PNRC1: variants seen among roughly 807,000 people sequenced by gnomAD.
PNRC1 encodes the protein proline-rich nuclear receptor coactivator 1.
A neutral mutation model predicts 20.2 loss-of-function variants in PNRC1; 6 were observed. That is an observed-to-expected ratio of 0.30 (90% CI 0.16 to 0.59). PNRC1 has a LOEUF of 0.59. Among genes scored for constraint, PNRC1 ranks in the 20% least tolerant of loss-of-function variants. The probability of loss-of-function intolerance (pLI) is 0.89; values close to 1 mark genes in which losing one functional copy is unlikely to be tolerated. For synonymous variants in PNRC1, 202 were observed against 186.9 expected, an observed-to-expected ratio of 1.08 and a Z score of -0.66; for missense variants, 488 against 430.2, an observed-to-expected ratio of 1.13 and a Z score of -1.19.
In PNRC1 at chr6:89,080,779, G is replaced by C. The variant is rs1374864095; in HGVS notation, c.-116G>C. On this transcript the variant is annotated 5_prime_UTR_variant, in exon 1 of 2. An upstream start codon of the reference 5' UTR is lost. Transcript: ENST00000336032. Reference sequence around the variant, plus strand: ...GCTGCGCCGCCACCGCCCGAGTCATGTTCCGCGATCTTCTCAGGCTCTCCT... The same window carrying C: ...GCTGCGCCGCCACCGCCCGAGTCATCTTCCGCGATCTTCTCAGGCTCTCCT... The C allele has an allele frequency of 2.0e-6, 2 of 990,550 alleles. No homozygotes were observed. The highest frequency in any genetic ancestry group is 2.7e-5 in the South Asian group (2 of 73,312). The allele number at this position is 990,550 out of a possible 1,614,324, so 61.4% of individuals were successfully genotyped here.
In PNRC1 at chr6:89,080,965, C is replaced by T. The variant is rs1279886870; in HGVS notation, c.71C>T (p.Ser24Phe). The T allele has an allele frequency of 2.5e-6, 4 of 1,613,278 alleles. No homozygotes were observed. The East Asian group carries it at 6.7e-5, about 27-fold the overall frequency. The change falls in exon 1 of 2, where the codon TCC becomes TTC. Residue 24 changes from serine (S) to phenylalanine (F), a missense_variant. Transcript: ENST00000336032. Reference sequence around the variant, plus strand: ...GGCCGCCTTGCGCCGCTTGGCTTTTCCTCCCGAGGTTACTTTGGGGCCCTC... The same window carrying T: ...GGCCGCCTTGCGCCGCTTGGCTTTTTCTCCCGAGGTTACTTTGGGGCCCTC... ...LGGRLAPLGF[S>F]SRGYFGALPM...
Position 89,083,737 on chromosome 6 carries a change from G to T in PNRC1, c.541-16G>T. 1 of 1,549,406 alleles carries T rather than the reference G, an allele frequency of 6.5e-7. No homozygotes were observed. The highest frequency in any genetic ancestry group is 8.7e-7 in the Non-Finnish European group (1 of 1,146,166). On this transcript the variant is annotated splice_polypyrimidine_tract_variant and intron_variant, in intron 1 of 1. Coordinates refer to ENST00000336032, the MANE Select transcript of PNRC1 (RefSeq NM_006813.3). ...ATCTAGAAACTATATTTACTTTTGTGTTCTTGTCTTTGTAGGTTTTAAAAT... is the reference window on the plus strand; with the variant it reads ...ATCTAGAAACTATATTTACTTTTGTTTTCTTGTCTTTGTAGGTTTTAAAAT...
At position 89,080,941 on chromosome 6, in the gene PNRC1, G is replaced by A; in HGVS notation, c.47G>A (p.Gly16Asp). Residue 16 changes from glycine (G) to aspartate (D), a missense_variant, in exon 1 of 2, where the codon GGC becomes GAC. Physicochemically the swap from Gly to Asp is moderately conservative, Grantham distance 94 (BLOSUM62 -1). Coordinates refer to ENST00000336032, the MANE Select transcript of PNRC1 (RefSeq NM_006813.3). ...VPQREPLVLGGRLAPLGFSSR... is the reference protein window; with the variant it reads ...VPQREPLVLGDRLAPLGFSSR... ...CAGCGGGAGCCGCTCGTCCTGGGTG[G>A]CCGCCTTGCGCCGCTTGGCTTTTCC... 1 of 1,612,984 alleles carries A rather than the reference G, an allele frequency of 6.2e-7. No homozygotes were observed.
At chr6:89,081,725 A>G (rs1453200284) in intron 1 of PNRC1, 3 of 201,898 alleles carry the variant, frequency 1.5e-5, no homozygotes, top group African/African-American at 2.6e-5. Context: ...GCGGCGTTCC[A>G]GGGGGTTTCG....
intron 1 of PNRC1, among the ~76,000 whole-genome samples, chr6:89,083,123 G>T (rs1386131672): frequency 1.3e-5 from 2 of 151,924 alleles, no homozygotes; most frequent in Non-Finnish European, 2.9e-5. Context: ...TCCCGCCTCA[G>T]CCAGCCTCCC....
At position 89,081,304 on chromosome 6, in the gene PNRC1, C is replaced by A; in HGVS notation, c.410C>A (p.Ala137Glu). 6.7e-7 allele frequency: 1 copy of A among 1,489,126 alleles called. No homozygotes were observed. The highest frequency in any genetic ancestry group is 1.3e-5 in the South Asian group (1 of 78,322). 92.2% of individuals were successfully genotyped at this position (1,489,126 alleles called of 1,614,324 possible). A position where few individuals can be genotyped will look rare whatever the true frequency, so the allele number is the denominator to read the frequency against. ...AGCCCCGCGACCGGCCCGAGCGGAG[C>A]GCAGGAGGTCCCGGGCCCGGCCGCC... ...GRSPATGPSG[A>E]QEVPGPAAAL... The change falls in exon 1 of 2, where the codon GCG (alanine) becomes GAG (glutamate). Residue 137 changes from alanine to glutamate, a missense_variant. Transcript: ENST00000336032.
Position 89,081,042 on chromosome 6 carries a change from G to T in PNRC1, c.148G>T (p.Ala50Ser), listed in dbSNP as rs754617058. 3 of 1,611,302 alleles carry T rather than the reference G, an allele frequency of 1.9e-6. No homozygotes were observed. The Admixed American group carries it at 5.0e-5, about 27-fold the overall frequency. Residue 50 changes from alanine to serine, a missense_variant, in exon 1 of 2, where the codon GCA (alanine) becomes TCA (serine). Physicochemically the swap from Ala to Ser is moderately conservative, Grantham distance 99. Transcript: ENST00000336032. ...TTTACCCCGGATCCCGGACCCCCGG[G>T]CACTGCCCCCGACCCTCTTCCTCCC... ...PPLPRIPDPRALPPTLFLPHF... is the reference protein window; with the variant it reads ...PPLPRIPDPRSLPPTLFLPHF...
chr6:89,081,505 C>A, intron 1 of PNRC1, 71 bp downstream of exon 1: 2 of 553,554 alleles, frequency 3.6e-6, no homozygotes, highest in Non-Finnish European at 4.9e-6. Context: ...GGGCTGCAGA[C>A]CCTGCACCCG....
At position 89,084,116 on chromosome 6, in the gene PNRC1, G is replaced by A. The variant is rs1768062255; in HGVS notation, c.904G>A (p.Gly302Arg). The A allele has an allele frequency of 6.2e-7, 1 of 1,612,958 alleles. No homozygotes were observed. The highest frequency in any genetic ancestry group is 1.7e-5 in the Admixed American group (1 of 59,790). The change falls in exon 2 of 2, where the codon GGA becomes AGA. Residue 302 changes from glycine to arginine, a missense_variant. Gly to Arg is a moderately radical substitution (Grantham distance 125). Transcript: ENST00000336032. Reference protein sequence around the residue: ...VLPKPPSHWMGSTVENSNQNR... With the variant: ...VLPKPPSHWMRSTVENSNQNR... ...TCCAAAGCCTCCTAGTCACTGGATG[G>A]GAAGCACTGTTGAAAATTCCAACCA...
chr6:89,081,695 A>T (rs992332728), intron 1 of PNRC1: 2 of 281,028 alleles, frequency 7.1e-6, no homozygotes, highest in African/African-American at 4.5e-5. Flanking sequence ...CCCCAGCAAC[A>T]GCCCCGATTT....
At position 89,084,481 on chromosome 6, in the gene PNRC1, G is replaced by T. The variant is rs1768073477; in HGVS notation, c.*285G>T. 2 of 218,828 alleles carry T rather than the reference G, an allele frequency of 9.1e-6. No individual in the cohort carries two copies. The highest frequency in any genetic ancestry group is 1.8e-5 in the Non-Finnish European group (2 of 108,242). 13.6% of individuals were successfully genotyped at this position (218,828 alleles called of 1,614,324 possible). A position where few individuals can be genotyped will look rare whatever the true frequency, so the allele number is the denominator to read the frequency against. ...TGCAGGTGTTTTGTATATATACAAT[G>T]GATAAATTTTAAGTGTGTGCTAAGG... On this transcript the variant is annotated 3_prime_UTR_variant, in exon 2 of 2. Transcript: ENST00000336032.
chr6:89,083,252 C>G (rs911994158), intron 1 of PNRC1, among the ~76,000 whole-genome samples: 2 of 152,226 alleles, frequency 1.3e-5, no homozygotes, highest in Non-Finnish European at 2.9e-5. Context: ...GCCTTGACCT[C>G]CCAAAGTGCT....
intron 1 of PNRC1, among the ~76,000 whole-genome samples, chr6:89,083,133 C>T (rs930934552): frequency 9.2e-5 from 14 of 152,092 alleles, no homozygotes; most frequent in African/African-American, 3.4e-4. Context: ...GCCAGCCTCC[C>T]GAGGCGCGTG....
Position 89,080,773 on chromosome 6 carries a change from A to C in PNRC1, c.-122A>C, listed in dbSNP as rs1767959144. 2 of 916,306 alleles carry C rather than the reference A, an allele frequency of 2.2e-6. No homozygotes were observed. Among genetic ancestry groups the C allele is most frequent in the Non-Finnish European group, 3.4e-6 (2 of 589,334 alleles). 56.8% of individuals were successfully genotyped at this position (916,306 alleles called of 1,614,324 possible). On this transcript the variant is annotated 5_prime_UTR_variant, in exon 1 of 2. Coordinates refer to ENST00000336032, the MANE Select transcript of PNRC1 (RefSeq NM_006813.3). ...TTTGTTGCTGCGCCGCCACCGCCCGAGTCATGTTCCGCGATCTTCTCAGGC... is the reference window on the plus strand; with the variant it reads ...TTTGTTGCTGCGCCGCCACCGCCCGCGTCATGTTCCGCGATCTTCTCAGGC...
intron 1 of PNRC1, chr6:89,082,045 GGGGCTCT>G (rs1482081832): frequency 6.6e-6 from 1 of 152,340 alleles, no homozygotes; most frequent in Non-Finnish European, 1.5e-5. Flanking sequence ...CAGTCCAGTT[GGGGCTCT>G]GCCCGCCTCG....
chr6:89,081,787 C>T, intron 1 of PNRC1: 1 of 164,746 alleles, frequency 6.1e-6, no homozygotes, highest in Non-Finnish European at 1.3e-5. Flanking sequence ...CGCGGGAGGG[C>T]TGACGTCAGC....
rs145171863 is a variant in PNRC1, at chr6:89,083,550, C to G, written c.541-203C>G. 4.6e-3 allele frequency among the ~76,000 whole-genome samples: 706 copies of G among 152,134 alleles called. 1 individual carries two copies. Among genetic ancestry groups the G allele is most frequent in the Non-Finnish European group, 3.8e-3 (257 of 68,020 alleles). On this transcript the variant is annotated intron_variant, in intron 1 of 1. Transcript: ENST00000336032. ...AAATTCACTTGTAAGTGAGAACTTG[C>G]GATATTTGGTTTTCTGTTTCTGCAT...
At position 89,084,216 on chromosome 6, in the gene PNRC1, G is replaced by T. The variant is rs1023509610; in HGVS notation, c.*20G>T. 6.6e-7 allele frequency: 1 copy of T among 1,511,718 alleles called. No individual in the cohort carries two copies. The highest frequency in any genetic ancestry group is 8.9e-7 in the Non-Finnish European group (1 of 1,118,928). The allele number at this position is 1,511,718 out of a possible 1,614,324, so 93.6% of individuals were successfully genotyped here. A position where few individuals can be genotyped will look rare whatever the true frequency, so the allele number is the denominator to read the frequency against. On this transcript the variant is annotated 3_prime_UTR_variant, in exon 2 of 2. Transcript: ENST00000336032. ...ACTTAGATTTCAGATTTCAGTATGT[G>T]TGTAAAACATAATTTTTCCCATATC...
Position 89,081,106 on chromosome 6 carries a change from A to G in PNRC1, c.212A>G (p.Gln71Arg). The change falls in exon 1 of 2, where the codon CAG (glutamine) becomes CGG (arginine). Residue 71 changes from glutamine (Q) to arginine (R), a missense_variant. Physicochemically the swap from Gln to Arg is conservative, Grantham distance 43. Transcript: ENST00000336032. Reference protein sequence around the residue: ...LGGDGPCLTPQPRAPAALPNR... With the variant: ...LGGDGPCLTPRPRAPAALPNR... Reference sequence around the variant, plus strand: ...GGAGATGGCCCGTGTCTGACCCCCCAGCCTCGCGCTCCAGCAGCTCTGCCC... The same window carrying G: ...GGAGATGGCCCGTGTCTGACCCCCCGGCCTCGCGCTCCAGCAGCTCTGCCC... 6.2e-7 allele frequency: 1 copy of G among 1,608,742 alleles called. No homozygotes were observed. The highest frequency in any genetic ancestry group is 8.5e-7 in the Non-Finnish European group (1 of 1,179,744).
Sources: allele counts gnomAD v4.1 joint callset (sites outside exome capture counted in the v4.1 genomes callset), GRCh38; gene constraint gnomAD v4.1.1; transcripts MANE v1.5; gene names NCBI Gene and HGNC (gene_info 2026-07-23, HGNC 2026-07-21).